UNC13C: variants seen among roughly 807,000 people sequenced by gnomAD.
UNC13C encodes the protein unc-13 homolog C.
A neutral mutation model predicts 245.4 loss-of-function variants in UNC13C; 174 were observed. The ratio of observed to expected loss-of-function variants is 0.71; its 90% CI spans 0.63 to 0.80. The LOEUF (loss-of-function observed/expected upper bound fraction) is 0.80, where lower values mean the gene tolerates loss of function less well. UNC13C is among the 30% of genes least tolerant of loss of function. The probability of loss-of-function intolerance (pLI) is 0.00; values close to 1 mark genes in which losing one functional copy is unlikely to be tolerated. For missense variants in UNC13C, 2,829 were observed against 2,602.9 expected, an observed-to-expected ratio of 1.09 and a Z score of -1.89; for synonymous variants, 992 against 895.1, an observed-to-expected ratio of 1.11 and a Z score of -1.93.
chr15:53,918,011 G>A, the UNC13C span, among the ~76,000 whole-genome samples: 25 of 152,302 alleles, frequency 1.6e-4, no homozygotes, highest in African/African-American at 5.5e-4. Flanking sequence ...ACGGGGGGTA[G>A]CAGTTGGAAC....
At chr15:54,572,529 G>A (rs1036770072) in intron 30 of UNC13C, among the ~76,000 whole-genome samples, 5 of 150,582 alleles carry the variant, frequency 3.3e-5, no homozygotes, top group Admixed American at 6.7e-5. Context: ...GGGTTCCAGC[G>A]ATTCTTCTGC....
At chr15:54,328,483 A>G (rs547624708) in intron 14 of UNC13C, among the ~76,000 whole-genome samples, 1 of 152,102 alleles carries the variant, frequency 6.6e-6, no homozygotes, top group South Asian at 2.1e-4. Context: ...ATACATAGCT[A>G]GCACCTCCCA....
chr15:54,620,805 C>A (rs1263223962), intron 30 of UNC13C, among the ~76,000 whole-genome samples: 1 of 150,226 alleles, frequency 6.7e-6, no homozygotes, highest in African/African-American at 2.5e-5. Flanking sequence ...AAAAAAACCT[C>A]TCTCCCAAAA....
intron 19 of UNC13C, among the ~76,000 whole-genome samples, chr15:54,462,475 C>T (rs149159364): frequency 3.9e-5 from 6 of 152,070 alleles, no homozygotes; most frequent in South Asian, 2.1e-4. Flanking sequence ...AGGCCGGAAC[C>T]GGGGCTACGC....
intron 22 of UNC13C, among the ~76,000 whole-genome samples, chr15:54,501,405 T>A (rs1161807049): frequency 6.6e-6 from 1 of 152,140 alleles, no homozygotes; most frequent in Non-Finnish European, 1.5e-5. Context: ...AACCAATAAT[T>A]GTAATTGAAT....
intron 10 of UNC13C, among the ~76,000 whole-genome samples, chr15:54,291,569 G>A (rs1173462417): frequency 6.6e-6 from 1 of 151,878 alleles, no homozygotes; most frequent in African/African-American, 2.4e-5. Context: ...GTGGAATAAT[G>A]GCGTCTTATA....
chr15:54,220,418 G>A (rs1596028913), intron 4 of UNC13C, among the ~76,000 whole-genome samples: 1 of 144,754 alleles, frequency 6.9e-6, no homozygotes. Flanking sequence ...GACACAGGAA[G>A]GGGAACATCA....
chr15:54,200,181 A>G (rs1019735692), intron 4 of UNC13C, among the ~76,000 whole-genome samples: 2 of 152,244 alleles, frequency 1.3e-5, no homozygotes, highest in East Asian at 3.9e-4. Context: ...CCAAATTTAT[A>G]AAACAATTAC....
chr15:54,251,772 T>C (rs1470762844), intron 8 of UNC13C, among the ~76,000 whole-genome samples: 1 of 152,194 alleles, frequency 6.6e-6, no homozygotes. Flanking sequence ...TGTGGATTGC[T>C]TGACACTGAA....
chr15:54,246,561 AT>A (rs2035997922), intron 7 of UNC13C, among the ~76,000 whole-genome samples: 2 of 152,276 alleles, frequency 1.3e-5, no homozygotes, highest in Non-Finnish European at 2.9e-5. Flanking sequence ...TGTTTTATAA[AT>A]TATTTTTACA....
At chr15:54,534,291 AT>A (rs1407905451) in intron 26 of UNC13C, among the ~76,000 whole-genome samples, 1 of 152,154 alleles carries the variant, frequency 6.6e-6, no homozygotes, top group Non-Finnish European at 1.5e-5. Context: ...AGGACATGCA[AT>A]CCAGGAATGC....
chr15:54,514,829 T>C (rs922120569), intron 24 of UNC13C, among the ~76,000 whole-genome samples: 1 of 152,170 alleles, frequency 6.6e-6, no homozygotes, highest in African/African-American at 2.4e-5. Flanking sequence ...ATGATGATCG[T>C]GGGATTATGT....
chr15:54,232,241 AGT>A (rs1290152572), intron 4 of UNC13C, among the ~76,000 whole-genome samples: 1 of 152,152 alleles, frequency 6.6e-6, no homozygotes, highest in East Asian at 1.9e-4. Flanking sequence ...AGGTTGAGAA[AGT>A]GTTTTCATTG....
At chr15:53,987,141 A>G (rs1894178700) in intron 1 of UNC13C, among the ~76,000 whole-genome samples, 1 of 152,062 alleles carries the variant, frequency 6.6e-6, no homozygotes, top group Non-Finnish European at 1.5e-5. Flanking sequence ...TATGTTTAGC[A>G]TAATTTGTCT....
intron 4 of UNC13C, among the ~76,000 whole-genome samples, chr15:54,170,191 C>A (rs148599030): frequency 3.3e-5 from 5 of 151,906 alleles, no homozygotes; most frequent in African/African-American, 1.2e-4. Context: ...GTGATACTTA[C>A]GTCTGATAGT....
Position 54,157,626 on chromosome 15 carries a change from C to G in UNC13C, c.3071+13942C>G, listed in dbSNP as rs1408603651. Reference sequence around the variant, plus strand: ...TGAGTTTTGAGACACTCTAGCTACCCCAACGGGCTACTCAAAGGGTTCTTC... The same window carrying G: ...TGAGTTTTGAGACACTCTAGCTACCGCAACGGGCTACTCAAAGGGTTCTTC... On this transcript the variant is annotated intron_variant, in intron 4 of 32. Transcript: ENST00000260323. Among the ~76,000 whole-genome samples the G allele has an allele frequency of 2.6e-5, 4 of 152,096 alleles. No individual in the cohort carries two copies. The South Asian group carries it at 6.2e-4, about 24-fold the overall frequency.
chr15:54,337,268 C>T (rs1321433013), intron 16 of UNC13C, among the ~76,000 whole-genome samples: 1 of 152,142 alleles, frequency 6.6e-6, no homozygotes, highest in East Asian at 1.9e-4. Context: ...CTTCACTATC[C>T]ATACTCAACC....
At chr15:53,918,690 G>C in the UNC13C span, among the ~76,000 whole-genome samples, 18 of 152,162 alleles carry the variant, frequency 1.2e-4, no homozygotes, top group Non-Finnish European at 1.5e-5. Flanking sequence ...GTCCCACAGG[G>C]ACTCAGAAAT....
chr15:54,213,628 G>A (rs1042986383), intron 4 of UNC13C, among the ~76,000 whole-genome samples: 22 of 151,966 alleles, frequency 1.4e-4, no homozygotes, highest in African/African-American at 5.1e-4. Context: ...TTTACATGGA[G>A]AACATACATT....
Sources: allele counts gnomAD v4.1 joint callset (sites outside exome capture counted in the v4.1 genomes callset), GRCh38; gene constraint gnomAD v4.1.1; transcripts MANE v1.5; gene names NCBI Gene and HGNC (gene_info 2026-07-23, HGNC 2026-07-21).